Variants in PTPN13 observed in about 807,000 individuals in gnomAD.
PTPN13 encodes tyrosine-protein phosphatase non-receptor type 13.
A neutral mutation model predicts 284.0 loss-of-function variants in PTPN13; 191 were observed. The ratio of observed to expected loss-of-function variants is 0.67; its 90% CI spans 0.60 to 0.76. The LOEUF (loss-of-function observed/expected upper bound fraction) is 0.76. PTPN13 is among the 30% of genes least tolerant of loss of function. The pLI is 0.00. For synonymous variants in PTPN13, 986 were observed against 1,022.3 expected, an observed-to-expected ratio of 0.96 and a Z score of 0.68; for missense variants, 2,797 against 2,939.9, an observed-to-expected ratio of 0.95 and a Z score of 1.12.
intron 3 of PTPN13, among the ~76,000 whole-genome samples, chr4:86,676,713 A>G (rs1044435435): frequency 6.6e-6 from 1 of 152,222 alleles, no homozygotes; most frequent in Non-Finnish European, 1.5e-5. Flanking sequence ...ACATGCTACA[A>G]TATGGATGAA....
At chr4:86,797,482 ACT>A (rs1370554779) in intron 41 of PTPN13, among the ~76,000 whole-genome samples, 1 of 151,416 alleles carries the variant, frequency 6.6e-6, no homozygotes, top group Non-Finnish European at 1.5e-5. Flanking sequence ...ACAGAGCAAG[ACT>A]CTGTCTCAAA....
chr4:86,796,780 C>G, intron 40 of PTPN13, 94 bp from the exon 41 acceptor site: 1 of 765,546 alleles, frequency 1.3e-6, no homozygotes, highest in East Asian at 2.8e-5. Context: ...TGAACAATAA[C>G]AGTAAATATA....
chr4:86,772,404 A>C (rs530313113), intron 31 of PTPN13, among the ~76,000 whole-genome samples: 1 of 152,196 alleles, frequency 6.6e-6, no homozygotes, highest in African/African-American at 2.4e-5. Flanking sequence ...AAATACAAAA[A>C]TTAGTTGGGC....
chr4:86,789,152 G>GT (rs1304680111), intron 40 of PTPN13, among the ~76,000 whole-genome samples: 1 of 152,158 alleles, frequency 6.6e-6, no homozygotes, highest in Non-Finnish European at 1.5e-5. Flanking sequence ...GATAGGCAAG[G>GT]TATTAGTTCA....
At chr4:86,635,154 G>T (rs1722871743) in intron 1 of PTPN13, 98 bp from the exon 2 acceptor site, 1 of 1,269,496 alleles carries the variant, frequency 7.9e-7, no homozygotes, top group African/African-American at 1.5e-5. Flanking sequence ...TAGGTAGACA[G>T]GGGGCTTATA....
At chr4:86,639,598 A>G (rs1203119850) in intron 2 of PTPN13, among the ~76,000 whole-genome samples, 2 of 149,712 alleles carry the variant, frequency 1.3e-5, no homozygotes, top group Non-Finnish European at 3.0e-5. Context: ...AAACACCGCC[A>G]TGTTCTCTCT....
chr4:86,743,235 T>A (rs1736354528), intron 16 of PTPN13, among the ~76,000 whole-genome samples: 1 of 152,218 alleles, frequency 6.6e-6, no homozygotes, highest in African/African-American at 2.4e-5. Context: ...TTAAATCATC[T>A]ATACTATCAC....
chr4:86,633,589 C>G (rs1198794319), intron 1 of PTPN13, among the ~76,000 whole-genome samples: 1 of 152,218 alleles, frequency 6.6e-6, no homozygotes, highest in Non-Finnish European at 1.5e-5. Context: ...TTGCTCTACT[C>G]TTTATACCCT....
At chr4:86,743,336 T>C (rs528566221) in intron 16 of PTPN13, among the ~76,000 whole-genome samples, 1 of 152,312 alleles carries the variant, frequency 6.6e-6, no homozygotes, top group South Asian at 2.1e-4. Flanking sequence ...TAGGTAGTGG[T>C]TCTGTAGTTC....
Position 86,689,882 on chromosome 4 carries a change from C to A in PTPN13, c.546+692C>A, listed in dbSNP as rs1016810807. 4.9e-6 allele frequency: 3 copies of A among 613,470 alleles called. No individual in the cohort carries two copies. In the African/African-American group the frequency reaches 5.5e-5, roughly 11 times the overall value. 38.0% of individuals were successfully genotyped at this position (613,470 alleles called of 1,614,324 possible). A position where few individuals can be genotyped will look rare whatever the true frequency, so the allele number is the denominator to read the frequency against. On this transcript the variant is annotated intron_variant, in intron 5 of 47. Coordinates refer to ENST00000411767, the MANE Select transcript of PTPN13 (RefSeq NM_080683.3). ...GGATCTATACTTTATCTGCTCTTAT[C>A]CTTAGGGTTGTAGTCCTGGAGTGTT...
intron 2 of PTPN13, among the ~76,000 whole-genome samples, chr4:86,671,007 A>C (rs1377681038): frequency 2.0e-5 from 3 of 152,234 alleles, no homozygotes; most frequent in Non-Finnish European, 2.9e-5. Flanking sequence ...CCATTGGTCT[A>C]TAACACCACT....
chr4:86,643,067 C>T (rs1230262645), intron 2 of PTPN13, among the ~76,000 whole-genome samples: 1 of 152,068 alleles, frequency 6.6e-6, no homozygotes, highest in African/African-American at 2.4e-5. Context: ...ATTGATTAGT[C>T]AGAGGAAGAG....
chr4:86,666,174 GTC>G (rs1301687462), intron 2 of PTPN13, among the ~76,000 whole-genome samples: 1 of 152,040 alleles, frequency 6.6e-6, no homozygotes, highest in African/African-American at 2.4e-5. Flanking sequence ...ACACTATACT[GTC>G]TCTCAGTAAA....
At chr4:86,685,744 G>A (rs1342209058) in intron 3 of PTPN13, among the ~76,000 whole-genome samples, 1 of 152,110 alleles carries the variant, frequency 6.6e-6, no homozygotes, top group Non-Finnish European at 1.5e-5. Flanking sequence ...ACAAAAACAT[G>A]TGGAAAAACT....
rs1202193602 is a variant in PTPN13, at chr4:86,793,126, A to G, written c.6346-3748A>G. ...ATTCAGGAGACCCATCTCATGTGCA[A>G]TGACGTGCATAGGCTCAAAATAAAG... On this transcript the variant is annotated intron_variant, in intron 40 of 47. Coordinates refer to ENST00000411767, the MANE Select transcript of PTPN13 (RefSeq NM_080683.3). Among the ~76,000 whole-genome samples, 5 of 152,270 alleles carry G rather than the reference A, an allele frequency of 3.3e-5. No individual in the cohort carries two copies. In the South Asian group the frequency reaches 6.2e-4, roughly 19 times the overall value.
intron 40 of PTPN13, among the ~76,000 whole-genome samples, chr4:86,789,211 T>C (rs745698382): frequency 1.3e-5 from 2 of 152,250 alleles, no homozygotes; most frequent in African/African-American, 2.4e-5. Context: ...TCCACATCTC[T>C]TGCCACTGAA....
At chr4:86,777,284 C>T (rs189994204) in intron 35 of PTPN13, among the ~76,000 whole-genome samples, 1 of 152,048 alleles carries the variant, frequency 6.6e-6, no homozygotes, top group Admixed American at 6.6e-5. Flanking sequence ...TATTTTCTAC[C>T]CTCTAGAGAC....
chr4:86,799,995 G>A (rs1341218439), intron 42 of PTPN13, among the ~76,000 whole-genome samples: 1 of 151,642 alleles, frequency 6.6e-6, no homozygotes, highest in Non-Finnish European at 1.5e-5. Context: ...GCGCCACCAT[G>A]CCTGGCTATT....
intron 1 of PTPN13, among the ~76,000 whole-genome samples, chr4:86,629,956 G>A (rs1466207465): frequency 1.3e-5 from 2 of 151,882 alleles, no homozygotes; most frequent in African/African-American, 2.4e-5. Context: ...ATATAGAGAC[G>A]AGGTATCGCT....
Sources: gnomAD v4.1 joint callset for allele counts (sites outside exome capture counted in the v4.1 genomes callset) on GRCh38, gnomAD v4.1.1 for gene constraint, MANE v1.5 for transcripts, NCBI Gene and HGNC (gene_info 2026-07-23, HGNC 2026-07-21) for gene names.